Variants in NWD1 observed in about 807,000 individuals in gnomAD.
NWD1 encodes NACHT and WD repeat domain containing 1, also known as NACHT domain- and WD repeat-containing protein 1.
A neutral mutation model predicts 135.1 loss-of-function variants in NWD1; 129 were observed. That is an observed-to-expected ratio of 0.96 (90% CI 0.83 to 1.11). The LOEUF (loss-of-function observed/expected upper bound fraction) is 1.11, where lower values mean the gene tolerates loss of function less well. NWD1 is among the 50% of genes least tolerant of loss of function. NWD1 has a pLI of 0.00. For missense variants in NWD1, 1,740 were observed against 1,851.3 expected (o/e 0.94, Z 1.10); for synonymous variants, 773 against 786.0 (o/e 0.98, Z 0.28).
At chr19:16,758,868 C>A (rs146179167) in intron 6 of NWD1, among the ~76,000 whole-genome samples, 1 of 151,750 alleles carries the variant, frequency 6.6e-6, no homozygotes, top group African/African-American at 2.4e-5. Flanking sequence ...ATTAGCCAGG[C>A]GTGGTGGCGC....
At chr19:16,758,734 T>C (rs910032241) in intron 6 of NWD1, among the ~76,000 whole-genome samples, 3 of 151,934 alleles carry the variant, frequency 2.0e-5, no homozygotes, top group African/African-American at 4.8e-5. Flanking sequence ...TATGGTTCTG[T>C]AGGTGTGCAT....
At chr19:16,750,844 G>A (rs972969082) in intron 6 of NWD1, among the ~76,000 whole-genome samples, 2 of 152,066 alleles carry the variant, frequency 1.3e-5, no homozygotes, top group Admixed American at 1.3e-4. Context: ...CTCAAAAGCT[G>A]GGAAAATAAA....
intron 2 of NWD1, among the ~76,000 whole-genome samples, chr19:16,726,920 G>A (rs188028769): frequency 6.6e-6 from 1 of 152,280 alleles, no homozygotes; most frequent in African/African-American, 2.4e-5. Context: ...TGTCCCCTGG[G>A]GGCTGAATGG....
intron 2 of NWD1, among the ~76,000 whole-genome samples, chr19:16,725,911 C>A (rs1218577781): frequency 6.6e-6 from 1 of 151,740 alleles, no homozygotes; most frequent in Non-Finnish European, 1.5e-5. Context: ...GTAGCTGGGA[C>A]AACAGGCAGG....
intron 2 of NWD1, among the ~76,000 whole-genome samples, chr19:16,725,347 G>C (rs1231519250): frequency 6.6e-6 from 1 of 151,154 alleles, no homozygotes; most frequent in Non-Finnish European, 1.5e-5. Flanking sequence ...ACGTGATGGT[G>C]CACACCTGTA....
At chr19:16,812,663 C>G (rs536774966) in intron 18 of NWD1, 1 of 767,824 alleles carries the variant, frequency 1.3e-6, no homozygotes, top group African/African-American at 1.7e-5. Context: ...GAGTGAAACT[C>G]CATCTCAAAA....
At chr19:16,730,134 C>T (rs1024308564) in intron 2 of NWD1, among the ~76,000 whole-genome samples, 6 of 151,574 alleles carry the variant, frequency 4.0e-5, no homozygotes, top group Admixed American at 6.6e-5. Context: ...CCATCCTGGC[C>T]AACATGATGA....
At position 16,744,478 on chromosome 19, in the gene NWD1, G is replaced by T. The variant is rs1455553270; in HGVS notation, c.256G>T (p.Glu86Ter). 6.5e-7 allele frequency: 1 copy of T among 1,535,714 alleles called. No homozygotes were observed. The highest frequency in any genetic ancestry group is 2.0e-5 in the Admixed American group (1 of 50,988). The change falls in exon 5 of 19, where the codon GAG becomes TAG. Residue 86 changes from glutamate (E) to a stop codon, truncating the protein, a stop_gained. Transcript: ENST00000524140. LOFTEE classifies it high-confidence loss of function. ...CLIPSRIDEKEWEVLRDHLTA... is the reference protein window; with the variant it reads ...CLIPSRIDEK ...GATTCCCTCGCGGATCGATGAGAAG[G>T]AGTGGGAGGTATTGAGGGACCATCT...
chr19:16,721,193 G>C (rs1038461413), intron 1 of NWD1, among the ~76,000 whole-genome samples: 10 of 152,046 alleles, frequency 6.6e-5, no homozygotes, highest in Admixed American at 6.6e-4. Flanking sequence ...GTGGTGGTGG[G>C]GGTGTGCTGT....
At chr19:16,784,295 G>A (rs1969964476) in intron 12 of NWD1, among the ~76,000 whole-genome samples, 1 of 152,092 alleles carries the variant, frequency 6.6e-6, no homozygotes, top group Non-Finnish European at 1.5e-5. Flanking sequence ...GAGCCTGGGA[G>A]ATCGAGGCTG....
At chr19:16,753,591 G>A (rs1451145641) in intron 6 of NWD1, among the ~76,000 whole-genome samples, 3 of 152,172 alleles carry the variant, frequency 2.0e-5, no homozygotes, top group Non-Finnish European at 4.4e-5. Context: ...ACTAGACAGT[G>A]TGTCTGGAAG....
intron 17 of NWD1, among the ~76,000 whole-genome samples, chr19:16,806,493 G>A (rs1051628997): frequency 9.9e-5 from 15 of 152,150 alleles, no homozygotes; most frequent in African/African-American, 3.6e-4. Context: ...GCAAAGGTGG[G>A]AGGATCGTTT....
At chr19:16,720,454 A>G (rs1226966738) in intron 1 of NWD1, among the ~76,000 whole-genome samples, 161 bp downstream of exon 1, 1 of 152,212 alleles carries the variant, frequency 6.6e-6, no homozygotes, top group Admixed American at 6.6e-5. Flanking sequence ...ACTAAAGTAC[A>G]GGACGTGCAA....
At chr19:16,770,858 G>A (rs1192944743) in intron 10 of NWD1, among the ~76,000 whole-genome samples, 1 of 152,140 alleles carries the variant, frequency 6.6e-6, no homozygotes, top group African/African-American at 2.4e-5. Flanking sequence ...ACTAAAATGT[G>A]TCCAGAACTC....
chr19:16,780,845 G>A (rs972710296), intron 12 of NWD1, among the ~76,000 whole-genome samples: 1 of 152,016 alleles, frequency 6.6e-6, no homozygotes, highest in African/African-American at 2.4e-5. Context: ...TTTTGGTAGA[G>A]ACAGGGTCTC....
At chr19:16,756,183 C>T (rs1458067287) in intron 6 of NWD1, among the ~76,000 whole-genome samples, 1 of 151,912 alleles carries the variant, frequency 6.6e-6, no homozygotes, top group Admixed American at 6.6e-5. Flanking sequence ...ACCTGGGAGG[C>T]GGAGGTTGCA....
intron 15 of NWD1, among the ~76,000 whole-genome samples, chr19:16,795,574 G>A (rs574633795): frequency 4.6e-5 from 7 of 151,894 alleles, no homozygotes; most frequent in African/African-American, 7.2e-5. Flanking sequence ...CTGCTACCAC[G>A]TCCCGCTAAT....
chr19:16,793,617 C>T (rs1188923349), intron 14 of NWD1, among the ~76,000 whole-genome samples: 1 of 151,276 alleles, frequency 6.6e-6, no homozygotes, highest in African/African-American at 2.4e-5. Flanking sequence ...TGCTCTGTCG[C>T]CCAGACTGGA....
chr19:16,799,609 C>A (rs553971158), intron 16 of NWD1, among the ~76,000 whole-genome samples: 2 of 151,482 alleles, frequency 1.3e-5, no homozygotes, highest in Non-Finnish European at 2.9e-5. Flanking sequence ...CGGGTTCAAG[C>A]GATTCTCCTG....
Sources: gnomAD v4.1 joint callset for allele counts (sites outside exome capture counted in the v4.1 genomes callset) on GRCh38, gnomAD v4.1.1 for gene constraint, MANE v1.5 for transcripts, NCBI Gene and HGNC (gene_info 2026-07-23, HGNC 2026-07-21) for gene names.